The following TNIP3 variants were observed in gnomAD, a reference collection of about 807,000 sequenced individuals.
The protein encoded by TNIP3 is TNFAIP3 interacting protein 3.
In TNIP3, 34 loss-of-function variants were observed where a neutral mutation model predicts 54.1. That is an observed-to-expected ratio of 0.63 (90% CI 0.48 to 0.84). TNIP3 has a LOEUF of 0.84. TNIP3 is among the 40% of genes least tolerant of loss of function. TNIP3 has a pLI of 0.00. For synonymous variants in TNIP3, 134 were observed against 136.8 expected, an observed-to-expected ratio of 0.98 and a Z score of 0.14; for missense variants, 366 against 387.6, an observed-to-expected ratio of 0.94 and a Z score of 0.47.
In TNIP3 at chr4:121,191,068, CTTGTTTTTG is replaced by C. The variant is rs1220809991; in HGVS notation, c.69-8281_69-8273del. On this transcript the variant is annotated intron_variant, in intron 2 of 12. Transcript: ENST00000507879. Reference sequence around the variant, plus strand: ...TTTTGGGTCAACAGAGGGGAGCTTCCTTGTTTTTGTTGTTTTTGTTTTTGTTGTTGTTGT... The same window carrying C: ...TTTTGGGTCAACAGAGGGGAGCTTCCTTGTTTTTGTTTTTGTTGTTGTTGT... 3.3e-5 allele frequency among the ~76,000 whole-genome samples: 5 copies of C among 152,012 alleles called. No homozygotes were observed. In the South Asian group the frequency reaches 1.0e-3, roughly 32 times the overall value.
chr4:121,161,805 A>G (rs575612513), intron 1 of TNIP3, among the ~76,000 whole-genome samples: 1 of 152,020 alleles, frequency 6.6e-6, no homozygotes, highest in East Asian at 1.9e-4. Flanking sequence ...TTAATAATAA[A>G]TTACTGGCAT....
intron 2 of TNIP3, 56 bp downstream of exon 2, chr4:121,161,080 T>G: frequency 7.6e-7 from 1 of 1,322,064 alleles, no homozygotes; most frequent in Non-Finnish European, 1.1e-6. Flanking sequence ...ATACATTATT[T>G]TATCCTCAGC....
intron 5 of TNIP3, among the ~76,000 whole-genome samples, chr4:121,153,205 A>G (rs1729868668): frequency 6.6e-6 from 1 of 152,128 alleles, no homozygotes; most frequent in South Asian, 2.1e-4. Flanking sequence ...TTATATAATC[A>G]CCGGAATGAT....
At chr4:121,146,579 A>G (rs1729443317) in intron 7 of TNIP3, among the ~76,000 whole-genome samples, 1 of 152,188 alleles carries the variant, frequency 6.6e-6, no homozygotes, top group Admixed American at 6.5e-5. Context: ...CTTCCTTCAA[A>G]GTACTCCAGT....
chr4:121,163,161 AG>A (rs1220146307), intron 1 of TNIP3, among the ~76,000 whole-genome samples: 1 of 152,146 alleles, frequency 6.6e-6, no homozygotes, highest in African/African-American at 2.4e-5. Flanking sequence ...GGAGGATAGG[AG>A]GGAGGAAAAA....
chr4:121,222,828 C>G (rs1247238512), intron 1 of TNIP3, among the ~76,000 whole-genome samples: 3 of 83,740 alleles, frequency 3.6e-5, no homozygotes, highest in Non-Finnish European at 6.3e-5. Context: ...TTTTTTGAGA[C>G]GGAGTCTCGC....
At chr4:121,139,425 T>C (rs1481873869) in intron 9 of TNIP3, among the ~76,000 whole-genome samples, 2 of 152,236 alleles carry the variant, frequency 1.3e-5, no homozygotes, top group African/African-American at 4.8e-5. Flanking sequence ...CGCTTAGGAA[T>C]GGAGCAATCT....
In TNIP3 at chr4:121,147,258, T is replaced by C; in HGVS notation, c.610-84A>G. On this transcript the variant is annotated intron_variant, in intron 6 of 10. Transcript: ENST00000057513. ...GACTTTATTTTAAATGACTGCTGCC[T>C]ACTCCATTATTGTAAAGAACCCTCC... is the stretch of plus-strand genomic sequence containing the variant. 2.7e-6 allele frequency: 4 copies of C among 1,494,556 alleles called. No homozygotes were observed. The African/African-American group carries it at 5.6e-5, about 21-fold the overall frequency. 92.6% of individuals were successfully genotyped at this position (1,494,556 alleles called of 1,614,324 possible). A position where few individuals can be genotyped will look rare whatever the true frequency, so the allele number is the denominator to read the frequency against.
chr4:121,171,049 C>T (rs1161075235), intron 3 of TNIP3, among the ~76,000 whole-genome samples: 7 of 152,156 alleles, frequency 4.6e-5, no homozygotes, highest in Admixed American at 4.6e-4. Flanking sequence ...CTCTTGACCT[C>T]AGGTGATCTG....
At chr4:121,153,790 C>T (rs1168976155) in intron 5 of TNIP3, among the ~76,000 whole-genome samples, 1 of 152,178 alleles carries the variant, frequency 6.6e-6, no homozygotes, top group Admixed American at 6.5e-5. Context: ...CAAGTCCAAT[C>T]ACCTACTCTT....
chr4:121,161,221 G>GAAA lies in TNIP3; in HGVS notation c.67-8_67-6dup. 2.5e-6 allele frequency: 3 copies of GAAA among 1,196,198 alleles called. No individual in the cohort carries two copies. The highest frequency in any genetic ancestry group is 2.2e-6 in the Non-Finnish European group (2 of 890,642). The allele number at this position is 1,196,198 out of a possible 1,614,324, so 74.1% of individuals were successfully genotyped here. A position where few individuals can be genotyped will look rare whatever the true frequency, so the allele number is the denominator to read the frequency against. Reference sequence around the variant, plus strand: ...TCTTGTTGATGGTTCAGCACACTTAGAAAAAAAAAAAGAGAGAAGATTGAA... The same window carrying GAAA: ...TCTTGTTGATGGTTCAGCACACTTAGAAAAAAAAAAAAAAGAGAGAAGATTGAA... On this transcript the variant is annotated splice_polypyrimidine_tract_variant and splice_region_variant and intron_variant, in intron 1 of 10. Coordinates refer to ENST00000057513, the MANE Select transcript of TNIP3 (RefSeq NM_024873.6).
intron 2 of TNIP3, among the ~76,000 whole-genome samples, chr4:121,196,092 C>G (rs879889258): frequency 5.9e-5 from 9 of 152,154 alleles, no homozygotes; most frequent in Non-Finnish European, 1.2e-4. Context: ...GAAACTGTCT[C>G]CCTGTTCTTA....
intron 2 of TNIP3, among the ~76,000 whole-genome samples, chr4:121,189,978 T>C (rs1725217863): frequency 6.6e-6 from 1 of 152,110 alleles, no homozygotes; most frequent in African/African-American, 2.4e-5. Flanking sequence ...AGGAGCCAGT[T>C]TGGAGCAGAG....
chr4:121,142,207 C>T (rs1729161066), intron 8 of TNIP3, among the ~76,000 whole-genome samples: 1 of 151,720 alleles, frequency 6.6e-6, no homozygotes, highest in South Asian at 2.1e-4. Flanking sequence ...TATTGAGGGC[C>T]CTCAATGAAG....
intron 1 of TNIP3, among the ~76,000 whole-genome samples, chr4:121,226,199 A>T (rs2148856352): frequency 6.6e-6 from 1 of 152,106 alleles, no homozygotes; most frequent in African/African-American, 2.4e-5. Context: ...AGAGACAGAG[A>T]GTGACAGGAA....
chr4:121,197,997 TA>T (rs1725692421), intron 2 of TNIP3, among the ~76,000 whole-genome samples: 1 of 152,220 alleles, frequency 6.6e-6, no homozygotes, highest in Non-Finnish European at 1.5e-5. Flanking sequence ...AAGGCAATTT[TA>T]AATATTGAGT....
At chr4:121,217,500 A>G (rs1316397597), upstream of TNIP3, among the ~76,000 whole-genome samples, 1 of 152,194 alleles carries the variant, frequency 6.6e-6, no homozygotes, top group Non-Finnish European at 1.5e-5. Flanking sequence ...CTGTTTGAAA[A>G]TCATCTGTTA....
At chr4:121,209,883 T>G (rs537946534) in intron 2 of TNIP3, among the ~76,000 whole-genome samples, 1 of 152,334 alleles carries the variant, frequency 6.6e-6, no homozygotes, top group Non-Finnish European at 1.5e-5. Flanking sequence ...TTTCTTACTG[T>G]AAAAAACTAG....
chr4:121,196,687 A>C (rs1725605171), intron 2 of TNIP3, among the ~76,000 whole-genome samples: 1 of 152,096 alleles, frequency 6.6e-6, no homozygotes, highest in African/African-American at 2.4e-5. Flanking sequence ...GCAAAGGCTC[A>C]ACAAATGCTG....
Sources: allele counts gnomAD v4.1 joint callset (sites outside exome capture counted in the v4.1 genomes callset), GRCh38; gene constraint gnomAD v4.1.1; transcripts MANE v1.5; gene names NCBI Gene and HGNC (gene_info 2026-07-23, HGNC 2026-07-21).